The following GK variants were observed in gnomAD, a reference collection of about 807,000 sequenced individuals.
GK encodes glycerol kinase, also known as ATP:glycerol 3-phosphotransferase.
A neutral mutation model predicts 56.4 loss-of-function variants in GK; 9 were observed. The ratio of observed to expected loss-of-function variants is 0.16; its 90% CI spans 0.10 to 0.28. The LOEUF is 0.28. GK is among the 10% of genes least tolerant of loss of function. The pLI is 1.00. For missense variants in GK, 161 were observed against 431.4 expected, an observed-to-expected ratio of 0.37 and a Z score of 5.55; for synonymous variants, 104 against 144.1, an observed-to-expected ratio of 0.72 and a Z score of 1.99.
intron 13 of GK, among the ~76,000 whole-genome samples, chrX:30,712,579 ATGTT>A (rs908265249): frequency 9.5e-6 from 1 of 105,707 alleles, no homozygotes; most frequent in Non-Finnish European, 2.0e-5. Context: ...TCTTAGTTTC[ATGTT>A]TGTTTGTTTT....
chrX:30,661,161 T>C (rs1034953308), intron 1 of GK, among the ~76,000 whole-genome samples: 10 of 111,708 alleles, frequency 9.0e-5, no homozygotes, highest in African/African-American at 2.3e-4. Flanking sequence ...AACTGATGAC[T>C]GGATATCTCC....
At chrX:30,708,032 C>CTTT in intron 12 of GK, 22 bp from the exon 13 acceptor site, 1 of 948,553 alleles carries the variant, frequency 1.1e-6, no homozygotes, top group Non-Finnish European at 1.5e-6. Context: ...CTACTGAAAT[C>CTTT]TTTTTTTTTT....
intron 19 of GK, among the ~76,000 whole-genome samples, chrX:30,724,880 T>C (rs1258866528): frequency 9.0e-6 from 1 of 110,703 alleles, no homozygotes; most frequent in Non-Finnish European, 1.9e-5. Flanking sequence ...TATTGAAGCA[T>C]ATACTTTTTT....
chrX:30,674,633 G>C (rs1467208337), intron 3 of GK, among the ~76,000 whole-genome samples: 2 of 110,586 alleles, frequency 1.8e-5, no homozygotes, highest in African/African-American at 6.6e-5. Flanking sequence ...TTTCTTTGGA[G>C]TAGAATCTCA....
chrX:30,661,309 C>T (rs1363524059), intron 1 of GK, among the ~76,000 whole-genome samples: 2 of 111,347 alleles, frequency 1.8e-5, no homozygotes, highest in Non-Finnish European at 3.8e-5. Context: ...TTGCACTGAC[C>T]TGTAACTTGT....
chrX:30,685,824 T>G lies in GK; in HGVS notation c.338-5299T>G, dbSNP rs1196353835. On this transcript the variant is annotated intron_variant, in intron 4 of 20. Coordinates refer to ENST00000427190, the MANE Select transcript of GK (RefSeq NM_001205019.2). Reference sequence around the variant, plus strand: ...TCCTACCATTCTGTGCCTGTTACCTTGACAGTTAAACTGGGGAGATGAAAA... The same window carrying G: ...TCCTACCATTCTGTGCCTGTTACCTGGACAGTTAAACTGGGGAGATGAAAA... 5.3e-5 allele frequency among the ~76,000 whole-genome samples: 6 copies of G among 112,220 alleles called. No individual in the cohort carries two copies. The East Asian group carries it at 1.7e-3, about 31-fold the overall frequency.
chrX:30,727,562 T>C lies in GK; in HGVS notation c.1669+10T>C. ...GCAAGGTACATCTCAGGTTAGTTAC[T>C]CTTTAAATTAGACAACTCTATTAGT... is the stretch of plus-strand genomic sequence containing the variant. On this transcript the variant is annotated intron_variant, in intron 20 of 20. Transcript: ENST00000427190. The C allele has an allele frequency of 1.9e-6, 2 of 1,044,008 alleles. No homozygotes were observed. The highest frequency in any genetic ancestry group is 2.7e-6 in the Non-Finnish European group (2 of 744,199). 86.0% of individuals were successfully genotyped at this position (1,044,008 alleles called of 1,213,427 possible). A position where few individuals can be genotyped will look rare whatever the true frequency, so the allele number is the denominator to read the frequency against.
At chrX:30,663,705 G>A (rs913196682) in intron 1 of GK, among the ~76,000 whole-genome samples, 10 of 109,727 alleles carry the variant, frequency 9.1e-5, no homozygotes, top group African/African-American at 2.6e-4. Context: ...AACATTCAAC[G>A]CTTTTTATTT....
chrX:30,658,339 G>A (rs1346079461), intron 1 of GK, among the ~76,000 whole-genome samples: 2 of 109,453 alleles, frequency 1.8e-5, no homozygotes, highest in Non-Finnish European at 3.8e-5. Flanking sequence ...TTTCTGAGAC[G>A]GAGTCTCACT....
In GK at chrX:30,729,124, C is replaced by A; in HGVS notation, c.*382C>A. On this transcript the variant is annotated 3_prime_UTR_variant, in exon 21 of 21. Transcript: ENST00000427190. ...TTTTGGACCAGGATTTGAGTCTCTG[C>A]ATGACATATACTTGATTAAAAGGTT... is the stretch of plus-strand genomic sequence containing the variant. The A allele has an allele frequency of 4.9e-6, 1 of 203,569 alleles. No homozygotes were observed. The highest frequency in any genetic ancestry group is 9.0e-6 in the Non-Finnish European group (1 of 110,516). The allele number at this position is 203,569 out of a possible 1,213,427, so 16.8% of individuals were successfully genotyped here. A position where few individuals can be genotyped will look rare whatever the true frequency, so the allele number is the denominator to read the frequency against.
At chrX:30,671,474 A>G (rs1460994690) in intron 3 of GK, among the ~76,000 whole-genome samples, 1 of 111,036 alleles carries the variant, frequency 9.0e-6, no homozygotes. Context: ...CCTGAGCCAC[A>G]CTGATGGTAA....
At chrX:30,685,769 G>T (rs190841041) in intron 4 of GK, among the ~76,000 whole-genome samples, 227 of 112,109 alleles carry the variant, frequency 2.0e-3, no homozygotes, top group African/African-American at 6.7e-3. Flanking sequence ...CTAGATTCAG[G>T]TTCTGGGTTC....
intron 4 of GK, among the ~76,000 whole-genome samples, chrX:30,685,376 G>A (rs1463617322): frequency 9.0e-6 from 1 of 111,710 alleles, no homozygotes; most frequent in African/African-American, 3.2e-5. Flanking sequence ...CTCGTGATCC[G>A]CCGGCCTCGG....
intron 18 of GK, 67 bp downstream of exon 18, chrX:30,721,062 T>C: frequency 9.5e-7 from 1 of 1,052,301 alleles, no homozygotes; most frequent in East Asian, 3.1e-5. Context: ...GGGAGTTTTG[T>C]TTTTCTGTTT....
intron 1 of GK, among the ~76,000 whole-genome samples, chrX:30,654,551 T>G (rs1030294992): frequency 3.6e-5 from 4 of 110,687 alleles, no homozygotes; most frequent in African/African-American, 1.3e-4. Context: ...GAGACCAGCC[T>G]GGCCAACCTG....
chrX:30,683,391 A>G (rs2147178242), intron 4 of GK, among the ~76,000 whole-genome samples: 1 of 110,720 alleles, frequency 9.0e-6, no homozygotes, highest in East Asian at 2.8e-4. Flanking sequence ...AGCATATGAG[A>G]GGAGCACATT....
chrX:30,663,398 C>T (rs1170107466), intron 1 of GK, among the ~76,000 whole-genome samples: 1 of 111,436 alleles, frequency 9.0e-6, no homozygotes, highest in Non-Finnish European at 1.9e-5. Flanking sequence ...CAACTTTGTG[C>T]CTGGCACTAT....
At chrX:30,724,726 G>A (rs186266399) in intron 19 of GK, 42 of 222,141 alleles carry the variant, frequency 1.9e-4, no homozygotes, top group African/African-American at 1.1e-3. Flanking sequence ...AAAAATAGTG[G>A]ACTATTCTAC....
intron 18 of GK, among the ~76,000 whole-genome samples, chrX:30,723,192 A>G (rs1489263508): frequency 3.6e-5 from 4 of 110,771 alleles, no homozygotes; most frequent in Non-Finnish European, 7.6e-5. Flanking sequence ...TCAGGAGATC[A>G]AGACCATCCT....
Sources: allele counts gnomAD v4.1 joint callset (sites outside exome capture counted in the v4.1 genomes callset), GRCh38; gene constraint gnomAD v4.1.1; transcripts MANE v1.5; gene names NCBI Gene and HGNC (gene_info 2026-07-23, HGNC 2026-07-21).